OPCML: variants seen among roughly 807,000 people sequenced by gnomAD.
The protein encoded by OPCML is opioid binding protein/cell adhesion molecule like.
OPCML carries 13 observed loss-of-function variants against 37.8 expected under a neutral mutation model. The ratio of observed to expected loss-of-function variants is 0.34; its 90% CI spans 0.22 to 0.55. OPCML has a LOEUF of 0.55. Among genes scored for constraint, OPCML ranks in the 20% least tolerant of loss-of-function variants. OPCML has a pLI of 0.91. For missense variants in OPCML, 341 were observed against 435.6 expected (o/e 0.78, Z 1.93); for synonymous variants, 176 against 168.8 (o/e 1.04, Z -0.33).
intron 2 of OPCML, among the ~76,000 whole-genome samples, chr11:132,929,003 GA>G (rs1329577349): frequency 2.9e-5 from 4 of 139,274 alleles, no homozygotes; most frequent in Non-Finnish European, 4.7e-5. Context: ...CAACAAAAAA[GA>G]AAAAAAAACA....
chr11:133,416,653 A>G (rs1040381729), intron 1 of OPCML, among the ~76,000 whole-genome samples: 1 of 152,156 alleles, frequency 6.6e-6, no homozygotes, highest in South Asian at 2.1e-4. Context: ...CTCTTATAAC[A>G]AGTTTCCAGC....
chr11:133,021,488 G>C (rs910297815), intron 1 of OPCML, among the ~76,000 whole-genome samples: 3 of 152,072 alleles, frequency 2.0e-5, no homozygotes, highest in Non-Finnish European at 4.4e-5. Context: ...ATGGTTGTAC[G>C]TAAGGCTTTC....
chr11:132,542,843 C>T (rs544198133), intron 3 of OPCML, among the ~76,000 whole-genome samples: 1 of 152,272 alleles, frequency 6.6e-6, no homozygotes, highest in South Asian at 2.1e-4. Context: ...AACACCCACG[C>T]CTCTTCCCTT....
At chr11:133,236,927 C>T (rs1374979378) in intron 1 of OPCML, among the ~76,000 whole-genome samples, 1 of 152,144 alleles carries the variant, frequency 6.6e-6, no homozygotes, top group African/African-American at 2.4e-5. Flanking sequence ...GACCCTGTCT[C>T]CTTTGTTCAA....
intron 2 of OPCML, among the ~76,000 whole-genome samples, chr11:132,911,860 T>G (rs577276387): frequency 6.6e-6 from 1 of 152,176 alleles, no homozygotes; most frequent in Admixed American, 6.5e-5. Flanking sequence ...ATTCCAAGAG[T>G]TGGAGCACTC....
In OPCML at chr11:133,149,242, A is replaced by G. The variant is rs376805496; in HGVS notation, c.62-206232T>C. Reference sequence around the variant, plus strand: ...TGATACTTGCAAATGGGGCAACATAAATTAAGAACTGGTAACGGACGACAT... The same window carrying G: ...TGATACTTGCAAATGGGGCAACATAGATTAAGAACTGGTAACGGACGACAT... On this transcript the variant is annotated intron_variant, in intron 1 of 7. Coordinates refer to ENST00000524381, the MANE Select transcript of OPCML (RefSeq NM_001012393.5). 3.9e-5 allele frequency among the ~76,000 whole-genome samples: 6 copies of G among 152,324 alleles called. No homozygotes were observed. In the East Asian group the frequency reaches 7.7e-4, roughly 20 times the overall value.
chr11:133,070,303 C>T (rs950441733), intron 1 of OPCML, among the ~76,000 whole-genome samples: 3 of 152,188 alleles, frequency 2.0e-5, no homozygotes, highest in Non-Finnish European at 2.9e-5. Context: ...AAACAGGCAA[C>T]TTCCAATGTC....
intron 1 of OPCML, among the ~76,000 whole-genome samples, chr11:133,502,650 G>C (rs918239728): frequency 4.6e-5 from 7 of 152,212 alleles, no homozygotes; most frequent in Non-Finnish European, 1.0e-4. Flanking sequence ...GGGAAGAAAG[G>C]AATCTGAGAA....
At position 132,948,657 on chromosome 11, in the gene OPCML, C is replaced by G. The variant is rs1400549414; in HGVS notation, c.62-5647G>C. Among the ~76,000 whole-genome samples, 4 of 152,190 alleles carry G rather than the reference C, an allele frequency of 2.6e-5. No homozygotes were observed. The East Asian group carries it at 7.7e-4, about 29-fold the overall frequency. On this transcript the variant is annotated intron_variant, in intron 1 of 7. Coordinates refer to ENST00000524381, the MANE Select transcript of OPCML (RefSeq NM_001012393.5). ...AGCAAGACCTAGGATATCAAAGCATCATAAAATACAGAACATAAAAACCAT... is the reference window on the plus strand; with the variant it reads ...AGCAAGACCTAGGATATCAAAGCATGATAAAATACAGAACATAAAAACCAT...
intron 1 of OPCML, among the ~76,000 whole-genome samples, chr11:133,087,219 T>C (rs1948830510): frequency 6.6e-6 from 1 of 152,368 alleles, no homozygotes; most frequent in East Asian, 1.9e-4. Context: ...TTTACCAACA[T>C]TTTCCAAGTT....
intron 3 of OPCML, among the ~76,000 whole-genome samples, chr11:132,571,291 T>C: frequency 6.6e-6 from 1 of 152,114 alleles, no homozygotes; most frequent in East Asian, 1.9e-4. Context: ...ACTGAGACAC[T>C]ACTGGCTTCT....
chr11:133,482,272 G>C lies in OPCML; in HGVS notation c.61+49992C>G, dbSNP rs573813072. On this transcript the variant is annotated intron_variant, in intron 1 of 7. Coordinates refer to ENST00000524381, the MANE Select transcript of OPCML (RefSeq NM_001012393.5). ...TCAGTGACATGGGAAGAGAACATCTGAGAGGAAATGGGAGTTTGAAATCAG... is the reference window on the plus strand; with the variant it reads ...TCAGTGACATGGGAAGAGAACATCTCAGAGGAAATGGGAGTTTGAAATCAG... Among the ~76,000 whole-genome samples, 22 of 152,292 alleles carry C rather than the reference G, an allele frequency of 1.4e-4. No individual in the cohort carries two copies. The East Asian group carries it at 3.9e-3, about 27-fold the overall frequency.
At position 132,884,887 on chromosome 11, in the gene OPCML, C is replaced by A. The variant is rs1046349459; in HGVS notation, c.146+58039G>T. Among the ~76,000 whole-genome samples the A allele has an allele frequency of 1.1e-4, 16 of 152,154 alleles. 1 individual carries two copies. Among genetic ancestry groups the A allele is most frequent in the African/African-American group, 3.6e-4 (15 of 41,430 alleles). On this transcript the variant is annotated intron_variant, in intron 2 of 7. Coordinates refer to ENST00000524381, the MANE Select transcript of OPCML (RefSeq NM_001012393.5). ...CATCATTTAAAAAACTATGGTTTCC[C>A]ATAGGAGACCGTTGCCAAAAATAAA...
intron 1 of OPCML, among the ~76,000 whole-genome samples, chr11:132,998,608 T>G (rs1256138043): frequency 6.6e-6 from 1 of 152,192 alleles, no homozygotes; most frequent in Non-Finnish European, 1.5e-5. Context: ...CAGAGAGAAC[T>G]CTTCTATGCT....
At chr11:132,880,780 A>G (rs183996848) in intron 2 of OPCML, among the ~76,000 whole-genome samples, 15 of 152,386 alleles carry the variant, frequency 9.8e-5, no homozygotes, top group African/African-American at 3.1e-4. Context: ...ATGACGTTGC[A>G]TACCAATTTC....
chr11:133,036,690 G>T lies in OPCML; in HGVS notation c.62-93680C>A, dbSNP rs539525210. Among the ~76,000 whole-genome samples, 22 of 152,330 alleles carry T rather than the reference G, an allele frequency of 1.4e-4. 1 individual carries two copies. In the South Asian group the frequency reaches 4.1e-3, roughly 29 times the overall value. ...TTAATGTTCAAGAAGACAGAATCAG[G>T]ATTCAAAAATATTTTGATCTCTGAG... On this transcript the variant is annotated intron_variant, in intron 1 of 7. Coordinates refer to ENST00000524381, the MANE Select transcript of OPCML (RefSeq NM_001012393.5).
At chr11:132,603,959 G>A (rs1440720799) in intron 3 of OPCML, among the ~76,000 whole-genome samples, 1 of 152,104 alleles carries the variant, frequency 6.6e-6, no homozygotes. Context: ...TTATGCTATA[G>A]CTCTATCAGT....
intron 1 of OPCML, among the ~76,000 whole-genome samples, chr11:133,166,904 G>A (rs543923519): frequency 9.2e-5 from 14 of 152,322 alleles, no homozygotes; most frequent in Non-Finnish European, 1.5e-4. Flanking sequence ...TGGCTTGCAC[G>A]CTATCTAGAA....
chr11:132,885,559 C>T (rs1402017728), intron 2 of OPCML, among the ~76,000 whole-genome samples: 4 of 152,090 alleles, frequency 2.6e-5, no homozygotes, highest in Non-Finnish European at 5.9e-5. Context: ...TGAATGACAC[C>T]TTGGACTGAG....
Sources: allele counts gnomAD v4.1 joint callset (sites outside exome capture counted in the v4.1 genomes callset), GRCh38; gene constraint gnomAD v4.1.1; transcripts MANE v1.5; gene names NCBI Gene and HGNC (gene_info 2026-07-23, HGNC 2026-07-21).